CMTM4: variants seen among roughly 807,000 people sequenced by gnomAD.
CMTM4 encodes the protein CKLF-like MARVEL transmembrane domain-containing protein 4.
In CMTM4, 8 loss-of-function variants were observed where a neutral mutation model predicts 19.0. The observed-to-expected ratio is 0.42, with a 90% CI of 0.25 to 0.76. CMTM4 has a LOEUF of 0.76. Ranked by LOEUF, CMTM4 falls within the 30% of genes least tolerant of loss-of-function variation. CMTM4 has a pLI of 0.27. For synonymous variants in CMTM4, 106 were observed against 121.1 expected, an observed-to-expected ratio of 0.88 and a Z score of 0.82; for missense variants, 228 against 290.2, an observed-to-expected ratio of 0.79 and a Z score of 1.56.
At chr16:66,648,485 C>T (rs934686279) in intron 1 of CMTM4, among the ~76,000 whole-genome samples, 1 of 151,808 alleles carries the variant, frequency 6.6e-6, no homozygotes, top group Non-Finnish European at 1.5e-5. Context: ...ATGGTGAAAC[C>T]CCATCTCTGC....
chr16:66,612,797 C>A, downstream of CMTM4: 1 of 700,830 alleles, frequency 1.4e-6, no homozygotes. This position sits in a 1 kb window ranked among gnomAD's most constrained non-coding sequence, Gnocchi z 6.0. Context: ...CTGAGCCCAG[C>A]CTACCAGGCT....
the CMTM4 span, among the ~76,000 whole-genome samples, chr16:66,607,405 T>C: frequency 6.6e-6 from 1 of 152,256 alleles, no homozygotes; most frequent in Non-Finnish European, 1.5e-5. Flanking sequence ...ACGCACCCTC[T>C]GTTAGATGTT....
At chr16:66,640,124 G>C (rs1239560172) in intron 1 of CMTM4, among the ~76,000 whole-genome samples, 1 of 151,868 alleles carries the variant, frequency 6.6e-6, no homozygotes, top group African/African-American at 2.4e-5. Context: ...AGGAGTTCGA[G>C]ATCAGCCTGG....
the CMTM4 span, chr16:66,609,546 AC>A: frequency 6.3e-7 from 1 of 1,577,640 alleles, no homozygotes; most frequent in Non-Finnish European, 8.6e-7. This position sits in a 1 kb window ranked among gnomAD's most constrained non-coding sequence, Gnocchi z 4.4. Context: ...CAGCCGCCCC[AC>A]CCCTCTGGAA....
chr16:66,637,598 T>C (rs751266143), intron 1 of CMTM4, among the ~76,000 whole-genome samples: 6 of 152,182 alleles, frequency 3.9e-5, no homozygotes, highest in Non-Finnish European at 8.8e-5. Flanking sequence ...TCTGGCAATA[T>C]GTCCTAAGAG....
At chr16:66,602,628 C>T in the CMTM4 span, among the ~76,000 whole-genome samples, 1 of 152,122 alleles carries the variant, frequency 6.6e-6, no homozygotes, top group Non-Finnish European at 1.5e-5. Context: ...CTCACTGCAA[C>T]CTCTGCCTTC....
At chr16:66,660,929 G>A (rs1217387214) in intron 1 of CMTM4, among the ~76,000 whole-genome samples, 3 of 152,044 alleles carry the variant, frequency 2.0e-5, no homozygotes, top group Non-Finnish European at 2.9e-5. Flanking sequence ...CTCCGGAATC[G>A]CGTCTAGCTG....
At chr16:66,640,232 G>A (rs1342279909) in intron 1 of CMTM4, among the ~76,000 whole-genome samples, 5 of 152,176 alleles carry the variant, frequency 3.3e-5, no homozygotes, top group East Asian at 1.9e-4. Context: ...GCCTGGGGGC[G>A]GAGGTTGCAG....
chr16:66,683,193 A>ATGTG (rs2016967585), intron 1 of CMTM4, among the ~76,000 whole-genome samples: 1 of 47,344 alleles, frequency 2.1e-5, no homozygotes, highest in African/African-American at 5.3e-5. Context: ...ATATATATAT[A>ATGTG]CATATATATA....
intron 1 of CMTM4, among the ~76,000 whole-genome samples, chr16:66,675,410 T>C (rs1479115154): frequency 2.6e-5 from 4 of 151,286 alleles, no homozygotes; most frequent in Admixed American, 2.6e-4. Context: ...AATTTTTTCC[T>C]TTATATTGAT....
At chr16:66,688,557 A>G (rs557701174) in intron 1 of CMTM4, among the ~76,000 whole-genome samples, 31 of 150,842 alleles carry the variant, frequency 2.1e-4, no homozygotes, top group Non-Finnish European at 3.8e-4. Context: ...CACACATTCT[A>G]CCCTAAACAA....
chr16:66,649,224 A>G (rs979974001), intron 1 of CMTM4, among the ~76,000 whole-genome samples: 12 of 152,206 alleles, frequency 7.9e-5, no homozygotes, highest in Non-Finnish European at 1.0e-4. Context: ...GTCTCTTAAA[A>G]AAAGAAAAAG....
At chr16:66,611,473 A>G (rs540953552), downstream of CMTM4, among the ~76,000 whole-genome samples, 2 of 152,180 alleles carry the variant, frequency 1.3e-5, no homozygotes, top group South Asian at 2.1e-4. Context: ...GAATATAGCA[A>G]AACCCACAAA....
intron 1 of CMTM4, among the ~76,000 whole-genome samples, chr16:66,666,051 G>A (rs1459829921): frequency 4.6e-5 from 7 of 151,534 alleles, no homozygotes; most frequent in African/African-American, 9.7e-5. Flanking sequence ...CAGCCTGGGC[G>A]ACAGAGTGAG....
At chr16:66,647,206 C>T (rs1230209953) in intron 1 of CMTM4, among the ~76,000 whole-genome samples, 3 of 151,064 alleles carry the variant, frequency 2.0e-5, no homozygotes, top group Non-Finnish European at 2.9e-5. Flanking sequence ...TGCCTGTAGT[C>T]CCAGCTACTC....
At chr16:66,608,483 G>A in the CMTM4 span, 1 of 1,612,454 alleles carries the variant, frequency 6.2e-7, no homozygotes, top group Non-Finnish European at 8.5e-7. The surrounding 1 kb of genome is among the most constrained non-coding windows in gnomAD (Gnocchi z 5.1). Flanking sequence ...AGGGGCCCCA[G>A]GAGGGAGGGG....
intron 1 of CMTM4, among the ~76,000 whole-genome samples, chr16:66,667,132 C>G (rs554041453): frequency 6.6e-6 from 1 of 152,218 alleles, no homozygotes; most frequent in Non-Finnish European, 1.5e-5. Flanking sequence ...CGAGACCAGC[C>G]TGGCCAACAT....
At chr16:66,680,537 G>A (rs188544586) in intron 1 of CMTM4, among the ~76,000 whole-genome samples, 153 of 151,434 alleles carry the variant, frequency 1.0e-3, no homozygotes, top group Non-Finnish European at 6.6e-4. Flanking sequence ...CGCTTCGGGA[G>A]GCCAAGGCGG....
chr16:66,674,467 A>T (rs551667855), intron 1 of CMTM4, among the ~76,000 whole-genome samples: 1 of 152,284 alleles, frequency 6.6e-6, no homozygotes, highest in Admixed American at 6.5e-5. Context: ...TACAGCGGAA[A>T]TTCTAACAGG....
Sources: allele counts gnomAD v4.1 joint callset (sites outside exome capture counted in the v4.1 genomes callset), GRCh38; gene constraint gnomAD v4.1.1; non-coding constraint Gnocchi (gnomAD v3.1); transcripts MANE v1.5; gene names NCBI Gene and HGNC (gene_info 2026-07-23, HGNC 2026-07-21).